PDE10A: variants seen among roughly 807,000 people sequenced by gnomAD.
The protein encoded by PDE10A is phosphodiesterase 10A.
A neutral mutation model predicts 97.7 loss-of-function variants in PDE10A; 39 were observed. That is an observed-to-expected ratio of 0.40 (90% CI 0.31 to 0.52). The LOEUF is 0.52. PDE10A is among the 20% of genes least tolerant of loss of function. The pLI, the probability that PDE10A is intolerant of heterozygous loss-of-function variation, is 0.56. For synonymous variants in PDE10A, 371 were observed against 376.8 expected (o/e 0.98, Z 0.18); for missense variants, 731 against 1,047.8 (o/e 0.70, Z 4.17).
intron 1 of PDE10A, among the ~76,000 whole-genome samples, chr6:165,835,901 A>T (rs936576821): frequency 6.6e-6 from 1 of 152,174 alleles, no homozygotes; most frequent in Non-Finnish European, 1.5e-5. Context: ...GTCTTCCAGT[A>T]TTAGCAGTTT....
chr6:165,859,499 G>C (rs571330289), intron 1 of PDE10A, among the ~76,000 whole-genome samples: 57 of 152,262 alleles, frequency 3.7e-4, no homozygotes, highest in African/African-American at 1.1e-3. Flanking sequence ...TTTATTATAA[G>C]GGATATTACA....
chr6:165,377,363 A>C (rs1784669938), intron 18 of PDE10A, among the ~76,000 whole-genome samples: 1 of 152,126 alleles, frequency 6.6e-6, no homozygotes, highest in South Asian at 2.1e-4. Flanking sequence ...AAAATAGAAT[A>C]TTACTCTTTT....
intron 1 of PDE10A, among the ~76,000 whole-genome samples, chr6:165,792,272 G>T (rs1040185877): frequency 1.5e-4 from 23 of 152,222 alleles, no homozygotes; most frequent in African/African-American, 5.5e-4. Flanking sequence ...TCGAGCAGAA[G>T]GCCATTGCTA....
At chr6:165,815,468 T>C (rs1198906794) in intron 1 of PDE10A, among the ~76,000 whole-genome samples, 2 of 152,106 alleles carry the variant, frequency 1.3e-5, no homozygotes, top group African/African-American at 4.8e-5. Flanking sequence ...ACCGTGTTGA[T>C]GGGGTAACGA....
At chr6:165,370,261 C>A (rs1164940676) in intron 18 of PDE10A, among the ~76,000 whole-genome samples, 2 of 149,760 alleles carry the variant, frequency 1.3e-5, no homozygotes, top group African/African-American at 2.5e-5. Flanking sequence ...ACTAAATGCT[C>A]CAATTAAAAG....
At chr6:165,509,159 ATATT>A (rs1415723230) in intron 2 of PDE10A, among the ~76,000 whole-genome samples, 1 of 151,926 alleles carries the variant, frequency 6.6e-6, no homozygotes, top group Non-Finnish European at 1.5e-5. Flanking sequence ...ATTATTTTCA[ATATT>A]TATGAGGTAT....
chr6:165,541,616 T>C (rs1478289441), intron 2 of PDE10A, among the ~76,000 whole-genome samples: 6 of 152,224 alleles, frequency 3.9e-5, no homozygotes, highest in African/African-American at 1.4e-4. Context: ...AAGCTGAAAT[T>C]TGCATCTTTT....
intron 1 of PDE10A, among the ~76,000 whole-genome samples, chr6:165,866,078 C>T (rs1436967516): frequency 6.6e-6 from 1 of 151,912 alleles, no homozygotes; most frequent in African/African-American, 2.4e-5. Context: ...AAGTCCTCAC[C>T]TACAAATAAC....
intron 1 of PDE10A, among the ~76,000 whole-genome samples, chr6:165,934,253 G>A (rs1054520371): frequency 6.7e-6 from 1 of 150,160 alleles, no homozygotes; most frequent in Non-Finnish European, 1.5e-5. Context: ...GCCAATCTTG[G>A]CCTCCCAAAG....
chr6:165,729,462 A>T (rs1792374104), intron 1 of PDE10A, among the ~76,000 whole-genome samples: 1 of 152,210 alleles, frequency 6.6e-6, no homozygotes, highest in South Asian at 2.1e-4. Flanking sequence ...TACTAAGGAC[A>T]GCAGTGAAAT....
chr6:165,496,183 T>C (rs751158300), intron 2 of PDE10A, among the ~76,000 whole-genome samples: 4 of 152,136 alleles, frequency 2.6e-5, no homozygotes, highest in Admixed American at 6.5e-5. Context: ...GTGCCTGCCA[T>C]ACTCCTGCCA....
chr6:165,597,975 A>G (rs1219572896), intron 1 of PDE10A, among the ~76,000 whole-genome samples: 1 of 152,234 alleles, frequency 6.6e-6, no homozygotes, highest in Non-Finnish European at 1.5e-5. Flanking sequence ...CTTGTGAACG[A>G]AACAGGGCAA....
chr6:165,475,947 C>T (rs1041351172), intron 3 of PDE10A, among the ~76,000 whole-genome samples: 3 of 152,168 alleles, frequency 2.0e-5, no homozygotes, highest in African/African-American at 7.2e-5. Context: ...CTAGTTTCCT[C>T]GGGGTTCCCC....
rs544255088 is a variant in PDE10A at position 165,951,120 on chromosome 6, T to G, written c.-615+36409A>C. ...TTCTCAAGGTTGAAATAAGCCACAC[T>G]GTTTAGGGATGTCAGCTGGGGAGGG... On this transcript the variant is annotated intron_variant, in intron 1 of 19. Coordinates refer to the PDE10A transcript ENST00000366882. 6.6e-5 allele frequency among the ~76,000 whole-genome samples: 10 copies of G among 152,322 alleles called. No homozygotes were observed. The South Asian group carries it at 1.9e-3, about 28-fold the overall frequency.
intron 1 of PDE10A, among the ~76,000 whole-genome samples, chr6:165,958,169 C>T (rs1239119552): frequency 1.3e-5 from 2 of 152,190 alleles, no homozygotes; most frequent in African/African-American, 4.8e-5. Context: ...CGGGAACAAT[C>T]TGCCACAGTC....
intron 3 of PDE10A, among the ~76,000 whole-genome samples, chr6:165,459,525 ACAG>A (rs1778179241): frequency 2.9e-5 from 1 of 34,078 alleles, no homozygotes; most frequent in Non-Finnish European, 5.9e-5. Context: ...AGATAGATAG[ACAG>A]ACAGACAGAC....
At chr6:165,774,489 T>C in intron 1 of PDE10A, among the ~76,000 whole-genome samples, 2 of 147,998 alleles carry the variant, frequency 1.4e-5, no homozygotes, top group South Asian at 4.2e-4. Flanking sequence ...TAAAAATATG[T>C]ATAGATATTT....
intron 5 of PDE10A, among the ~76,000 whole-genome samples, chr6:165,437,991 TTATAAA>T (rs1267846722): frequency 1.3e-5 from 2 of 152,346 alleles, no homozygotes; most frequent in Admixed American, 6.5e-5. Context: ...TAGCTACCTG[TTATAAA>T]TATAAAAAGT....
rs1254005348 is a variant in PDE10A, at chr6:165,720,314, GT to G, written c.-614-176747del. 1.1e-4 allele frequency among the ~76,000 whole-genome samples: 17 copies of G among 152,188 alleles called. No individual in the cohort carries two copies. The East Asian group carries it at 3.1e-3, about 28-fold the overall frequency. ...TCTATACTTTTCTGAATTGCAGCATGTCCTGCTATCAGAGTCACTGATAGTT... is the reference window on the plus strand; with the variant it reads ...TCTATACTTTTCTGAATTGCAGCATGCCTGCTATCAGAGTCACTGATAGTT... On this transcript the variant is annotated intron_variant, in intron 1 of 19. Transcript: ENST00000366882.
Sources: gnomAD v4.1 joint callset for allele counts (sites outside exome capture counted in the v4.1 genomes callset) on GRCh38, gnomAD v4.1.1 for gene constraint, MANE v1.5 for transcripts, NCBI Gene and HGNC (gene_info 2026-07-23, HGNC 2026-07-21) for gene names.